The following NT5C2 variants were observed in gnomAD, a reference collection of about 807,000 sequenced individuals.
The protein encoded by NT5C2 is cytosolic purine 5'-nucleotidase.
A neutral mutation model predicts 76.1 loss-of-function variants in NT5C2; 58 were observed. That is an observed-to-expected ratio of 0.76 (90% confidence interval 0.62 to 0.95). The LOEUF (loss-of-function observed/expected upper bound fraction) is 0.95, where lower values mean the gene tolerates loss of function less well. Ranked by LOEUF, NT5C2 falls within the 40% of genes least tolerant of loss-of-function variation. NT5C2 has a pLI of 0.00. For synonymous variants in NT5C2, 229 were observed against 237.4 expected (o/e 0.96, Z 0.32); for missense variants, 478 against 690.3 (o/e 0.69, Z 3.45).
chr10:103,171,158 C>G, intron 3 of NT5C2, among the ~76,000 whole-genome samples: 1 of 152,074 alleles, frequency 6.6e-6, no homozygotes, highest in Non-Finnish European at 1.5e-5. Flanking sequence ...TAACAGCATC[C>G]TAACACCCAG....
intron 4 of NT5C2, 67 bp from the exon 5 acceptor site, chr10:103,106,773 A>C: frequency 1.0e-6 from 1 of 960,984 alleles, no homozygotes; most frequent in Non-Finnish European, 1.7e-6. Flanking sequence ...ATGCAAATGA[A>C]TGAATTTCTG....
chr10:103,105,605 T>A, intron 6 of NT5C2, 101 bp downstream of exon 6: 1 of 828,286 alleles, frequency 1.2e-6, no homozygotes, highest in Non-Finnish European at 1.9e-6. Flanking sequence ...TCTTTAATGA[T>A]GAAAAGTAAT....
chr10:103,091,039 C>CT (rs765774885), intron 16 of NT5C2, 43 bp from the exon 17 acceptor site: 50 of 1,549,756 alleles, frequency 3.2e-5, no homozygotes, highest in East Asian at 6.7e-5. Context: ...CTGGGAAGAG[C>CT]TTTTTTTTAT....
intron 3 of NT5C2, among the ~76,000 whole-genome samples, chr10:103,160,534 G>T (rs2084581432): frequency 6.6e-6 from 1 of 152,050 alleles, no homozygotes; most frequent in Admixed American, 6.6e-5. Context: ...AATATATAAA[G>T]AACTTTTACA....
intron 13 of NT5C2, 67 bp from the exon 14 acceptor site, chr10:103,094,105 CCCTCCCAT>C: frequency 1.8e-6 from 2 of 1,123,842 alleles, no homozygotes; most frequent in Non-Finnish European, 2.6e-6. Context: ...CACCCCACAA[CCCTCCCAT>C]CCCACCCCCC....
chr10:103,156,692 T>C (rs1278470734), intron 3 of NT5C2, among the ~76,000 whole-genome samples: 4 of 126,688 alleles, frequency 3.2e-5, no homozygotes, highest in African/African-American at 1.2e-4. Flanking sequence ...GAGGCGGAGG[T>C]TGTGGTGAGC....
intron 3 of NT5C2, 30 bp downstream of exon 3, chr10:103,174,828 T>C: frequency 1.4e-6 from 2 of 1,428,332 alleles, no homozygotes; most frequent in East Asian, 4.5e-5. Flanking sequence ...CATAGAGGGG[T>C]TTTGAGGATT....
intron 10 of NT5C2, chr10:103,097,887 C>G (rs1239077911): frequency 5.0e-6 from 2 of 398,812 alleles, no homozygotes; most frequent in Non-Finnish European, 9.7e-6. Flanking sequence ...AAATTCTAAC[C>G]CCTCATGTGC....
Position 103,088,813 on chromosome 10 carries a change from A to T in NT5C2, c.*859T>A, listed in dbSNP as rs1483467794. 1 of 190,182 alleles carries T rather than the reference A, an allele frequency of 5.3e-6. No individual in the cohort carries two copies. The highest frequency in any genetic ancestry group is 1.1e-5 in the Non-Finnish European group (1 of 90,614). The allele number at this position is 190,182 out of a possible 1,614,324, so 11.8% of individuals were successfully genotyped here. ...TTTTAATATACAGCAATCAACTCTT[A>T]GAGGACAAAGAAATCTGGAATTGGG... On this transcript the variant is annotated 3_prime_UTR_variant, in exon 19 of 19. Coordinates refer to ENST00000404739, the MANE Select transcript of NT5C2 (RefSeq NM_001351169.2).
At chr10:103,146,213 A>AAC in intron 3 of NT5C2, 2 of 985,354 alleles carry the variant, frequency 2.0e-6, no homozygotes, top group Non-Finnish European at 2.4e-6. Flanking sequence ...TGCTGGAGAA[A>AAC]ACACCTCTGT....
At chr10:103,178,849 A>G (rs191673545) in intron 2 of NT5C2, among the ~76,000 whole-genome samples, 6 of 150,358 alleles carry the variant, frequency 4.0e-5, no homozygotes, top group East Asian at 3.9e-4. Context: ...AAAAAAAAAA[A>G]GACAAGCAAG....
chr10:103,190,767 G>C (rs1355066743), intron 1 of NT5C2, among the ~76,000 whole-genome samples: 2 of 152,058 alleles, frequency 1.3e-5, no homozygotes, highest in African/African-American at 4.8e-5. Flanking sequence ...TTAGTATTTT[G>C]TGTTAAATGT....
chr10:103,102,890 C>T (rs906539612), intron 6 of NT5C2, among the ~76,000 whole-genome samples: 6 of 151,556 alleles, frequency 4.0e-5, no homozygotes, highest in African/African-American at 1.5e-4. Flanking sequence ...AGATCATCTA[C>T]GTACAGATAC....
chr10:103,145,707 T>C (rs997749820), intron 3 of NT5C2, among the ~76,000 whole-genome samples: 2 of 152,180 alleles, frequency 1.3e-5, no homozygotes, highest in African/African-American at 4.8e-5. Flanking sequence ...ACTAAGTCTT[T>C]GTAAGTTGCA....
chr10:103,133,330 C>T (rs903550334), intron 4 of NT5C2, among the ~76,000 whole-genome samples: 4 of 151,990 alleles, frequency 2.6e-5, no homozygotes, highest in Non-Finnish European at 4.4e-5. Flanking sequence ...TGCAGTGGCA[C>T]GATGTCAGCT....
intron 12 of NT5C2, 76 bp downstream of exon 12, chr10:103,095,863 T>A: frequency 7.4e-7 from 1 of 1,349,706 alleles, no homozygotes; most frequent in Admixed American, 1.8e-5. Flanking sequence ...ACCAATTCTT[T>A]CCCCCTTAAT....
chr10:103,161,398 A>C (rs2134107288), intron 3 of NT5C2, among the ~76,000 whole-genome samples: 1 of 152,078 alleles, frequency 6.6e-6, no homozygotes, highest in East Asian at 1.9e-4. Flanking sequence ...GGCTAGTCTC[A>C]AACTCCTGGT....
chr10:103,124,353 A>C (rs966360482), intron 4 of NT5C2, among the ~76,000 whole-genome samples: 1 of 152,160 alleles, frequency 6.6e-6, no homozygotes, highest in Non-Finnish European at 1.5e-5. Flanking sequence ...TTAACTTTCT[A>C]TTAAGTTCAT....
intron 3 of NT5C2, among the ~76,000 whole-genome samples, chr10:103,157,400 G>A (rs1201395592): frequency 1.3e-5 from 2 of 152,096 alleles, no homozygotes; most frequent in Non-Finnish European, 2.9e-5. Flanking sequence ...TTTAGATTAA[G>A]CAAACTAAAT....
Sources: gnomAD v4.1 joint callset for allele counts (sites outside exome capture counted in the v4.1 genomes callset) on GRCh38, gnomAD v4.1.1 for gene constraint, MANE v1.5 for transcripts, NCBI Gene and HGNC (gene_info 2026-07-23, HGNC 2026-07-21) for gene names.